The following MEF2A variants were observed in gnomAD, a reference collection of about 807,000 sequenced individuals.
The protein encoded by MEF2A is myocyte-specific enhancer factor 2A.
Under a neutral mutation model 55.8 loss-of-function variants are expected in MEF2A, and 28 were observed. The observed-to-expected ratio is 0.50, with a 90% CI of 0.37 to 0.69. MEF2A has a LOEUF of 0.69. MEF2A is among the 30% of genes least tolerant of loss of function. MEF2A has a pLI of 0.00. For synonymous variants in MEF2A, 239 were observed against 227.1 expected (o/e 1.05, Z -0.47); for missense variants, 528 against 626.2 (o/e 0.84, Z 1.67).
intron 1 of MEF2A, among the ~76,000 whole-genome samples, chr15:99,570,721 CTCG>C (rs1380801809): frequency 2.0e-5 from 3 of 151,996 alleles, no homozygotes; most frequent in Non-Finnish European, 4.4e-5. Context: ...TGTTTCACCT[CTCG>C]TCCTCATCCT....
intron 8 of MEF2A, among the ~76,000 whole-genome samples, chr15:99,691,465 G>A (rs1373134613): frequency 6.6e-6 from 1 of 152,048 alleles, no homozygotes; most frequent in Non-Finnish European, 1.5e-5. Flanking sequence ...TGGGATGCCA[G>A]GGCGGGCGGA....
chr15:99,706,320 C>A (rs555235299), intron 9 of MEF2A, among the ~76,000 whole-genome samples: 1 of 152,348 alleles, frequency 6.6e-6, no homozygotes, highest in East Asian at 1.9e-4. Flanking sequence ...AGTTTTGATT[C>A]CTATACTCAT....
At chr15:99,705,241 A>G (rs186072167) in intron 9 of MEF2A, among the ~76,000 whole-genome samples, 2 of 152,366 alleles carry the variant, frequency 1.3e-5, no homozygotes, top group African/African-American at 4.8e-5. Flanking sequence ...ACTTGACTTC[A>G]TGAAAGCTGC....
intron 2 of MEF2A, among the ~76,000 whole-genome samples, chr15:99,608,616 T>G (rs1468899621): frequency 1.3e-5 from 2 of 152,164 alleles, no homozygotes; most frequent in African/African-American, 4.8e-5. Context: ...AGTAATACTT[T>G]GGGCGAGCGT....
intron 2 of MEF2A, among the ~76,000 whole-genome samples, chr15:99,604,210 A>G (rs867803871): frequency 6.6e-6 from 1 of 152,138 alleles, no homozygotes; most frequent in Non-Finnish European, 1.5e-5. Context: ...AAATTTGGAA[A>G]TGTTTCACCA....
chr15:99,589,184 G>C (rs1968426807), intron 1 of MEF2A, among the ~76,000 whole-genome samples: 3 of 152,150 alleles, frequency 2.0e-5, no homozygotes, highest in African/African-American at 7.2e-5. Context: ...AAACCATCTT[G>C]GTTTGGAGTT....
chr15:99,590,181 A>G (rs1180777358), intron 1 of MEF2A, among the ~76,000 whole-genome samples: 1 of 152,018 alleles, frequency 6.6e-6, no homozygotes. Context: ...CATTGGCTGC[A>G]TAAATGTTTA....
rs766041224 is a variant in MEF2A, at chr15:99,690,407, C to G, written c.837C>G (p.Ser279Arg). The G allele has an allele frequency of 6.2e-7, 1 of 1,602,926 alleles. No individual in the cohort carries two copies. Among genetic ancestry groups the G allele is most frequent in the South Asian group, 1.1e-5 (1 of 89,688 alleles). ...TTCGAGTTGTCATCCCCCCTTCAAG[C>G]AAGGGCATGATGCCTCCACTAGTAA... The part of the protein sequence containing the change: ...PDLRVVIPPS[S>R]KGMMPPLSEE... The change falls in exon 8 of 12, where the codon AGC (serine) becomes AGG (arginine). Residue 279 changes from serine (S) to arginine (R), a missense_variant. Ser to Arg is a moderately radical substitution (Grantham distance 110). Transcript: ENST00000557942.
intron 8 of MEF2A, among the ~76,000 whole-genome samples, chr15:99,692,362 G>A (rs983500097): frequency 2.0e-5 from 3 of 152,174 alleles, no homozygotes; most frequent in African/African-American, 7.2e-5. Context: ...TCTGGAAACA[G>A]TCACTCCCAG....
At chr15:99,673,853 A>C (rs2051356742) in intron 5 of MEF2A, among the ~76,000 whole-genome samples, 1 of 93,176 alleles carries the variant, frequency 1.1e-5, no homozygotes, top group South Asian at 6.3e-4. Flanking sequence ...TTATGTATAT[A>C]ATTACTTTTT....
chr15:99,622,947 G>A (rs574529071), intron 2 of MEF2A, among the ~76,000 whole-genome samples: 4 of 151,904 alleles, frequency 2.6e-5, no homozygotes, highest in East Asian at 1.9e-4. Context: ...TGATCCACCC[G>A]CCTCGGCCTC....
At chr15:99,668,674 T>C (rs942161018) in intron 4 of MEF2A, among the ~76,000 whole-genome samples, 2 of 152,194 alleles carry the variant, frequency 1.3e-5, no homozygotes, top group Non-Finnish European at 2.9e-5. Flanking sequence ...GTTTTCCTCA[T>C]TGAGCAAGTG....
rs1405052079 is a variant in MEF2A, at chr15:99,675,140, A to C, written c.611-259A>C. Among the ~76,000 whole-genome samples, 4 of 152,282 alleles carry C rather than the reference A, an allele frequency of 2.6e-5. No homozygotes were observed. In the East Asian group the frequency reaches 7.7e-4, roughly 29 times the overall value. Reference sequence around the variant, plus strand: ...ACTGCCCCCGTTTTTATCAGTATGTACTATTTTGGTATTGATGCAATACCA... The same window carrying C: ...ACTGCCCCCGTTTTTATCAGTATGTCCTATTTTGGTATTGATGCAATACCA... On this transcript the variant is annotated intron_variant, in intron 6 of 11. Transcript: ENST00000557942.
intron 8 of MEF2A, among the ~76,000 whole-genome samples, chr15:99,695,284 A>T (rs77222612): frequency 0.017 from 2,634 of 152,298 alleles, 48 homozygotes; most frequent in Non-Finnish European, 0.022. Context: ...ACATGATGTA[A>T]ATATTATTTG....
intron 1 of MEF2A, among the ~76,000 whole-genome samples, chr15:99,586,422 G>T (rs1032274010): frequency 3.9e-5 from 6 of 152,046 alleles, no homozygotes; most frequent in African/African-American, 1.4e-4. Context: ...CCACTTCTTT[G>T]ATGACTAATG....
chr15:99,608,738 A>G (rs2153171074), intron 2 of MEF2A, among the ~76,000 whole-genome samples: 1 of 152,174 alleles, frequency 6.6e-6, no homozygotes, highest in East Asian at 1.9e-4. Context: ...CATCTCTACT[A>G]AAAATACAAA....
intron 1 of MEF2A, among the ~76,000 whole-genome samples, chr15:99,567,828 T>A (rs1038086647): frequency 1.3e-5 from 2 of 152,214 alleles, no homozygotes; most frequent in African/African-American, 4.8e-5. Context: ...GTATTTGTTA[T>A]ATATGGTGAC....
intron 4 of MEF2A, among the ~76,000 whole-genome samples, chr15:99,649,514 A>G (rs1345050729): frequency 1.3e-5 from 2 of 152,212 alleles, no homozygotes; most frequent in Non-Finnish European, 2.9e-5. Context: ...AAGCATTGAT[A>G]CAAAAATAGG....
In MEF2A at chr15:99,710,644, G is replaced by T; in HGVS notation, c.1020G>T (p.Leu340=). 1 of 1,612,582 alleles carries T rather than the reference G, an allele frequency of 6.2e-7. No homozygotes were observed. The highest frequency in any genetic ancestry group is 1.1e-5 in the South Asian group (1 of 91,016). The change falls in exon 11 of 12, where the codon CTG becomes CTT. Residue 340 remains leucine (L), a synonymous_variant. Coordinates refer to ENST00000557942, the MANE Select transcript of MEF2A (RefSeq NM_001319206.4). ...TGTCTTCCTTTGTAGATTATTCACTGACCAGCGCTGACCTGTCAGCCCTTC... is the reference window on the plus strand; with the variant it reads ...TGTCTTCCTTTGTAGATTATTCACTTACCAGCGCTGACCTGTCAGCCCTTC... ...MPTAYNTDYS[L]TSADLSALQG... is the part of the protein sequence containing the mutation.
Sources: allele counts gnomAD v4.1 joint callset (sites outside exome capture counted in the v4.1 genomes callset), GRCh38; gene constraint gnomAD v4.1.1; transcripts MANE v1.5; gene names NCBI Gene and HGNC (gene_info 2026-07-23, HGNC 2026-07-21).